The following FSTL5 variants were observed in gnomAD, a reference collection of about 807,000 sequenced individuals.
FSTL5 encodes the protein follistatin-related protein 5.
A neutral mutation model predicts 89.1 loss-of-function variants in FSTL5; 62 were observed. The ratio of observed to expected loss-of-function variants is 0.70; its 90% CI spans 0.57 to 0.86. The LOEUF (loss-of-function observed/expected upper bound fraction) is 0.86. FSTL5 is among the 40% of genes least tolerant of loss of function. The pLI, the probability that FSTL5 is intolerant of heterozygous loss-of-function variation, is 0.00. For missense variants in FSTL5, 1,057 were observed against 1,001.6 expected, an observed-to-expected ratio of 1.06 and a Z score of -0.75; for synonymous variants, 383 against 346.2, an observed-to-expected ratio of 1.11 and a Z score of -1.18.
At chr4:162,090,375 T>C (rs147356604) in intron 2 of FSTL5, among the ~76,000 whole-genome samples, 89 of 152,104 alleles carry the variant, frequency 5.9e-4, no homozygotes, top group African/African-American at 1.9e-3. Context: ...ATAGCATCTA[T>C]AAGGAACTTA....
intron 6 of FSTL5, among the ~76,000 whole-genome samples, chr4:161,666,132 A>G (rs904018755): frequency 6.6e-6 from 1 of 152,118 alleles, no homozygotes; most frequent in Non-Finnish European, 1.5e-5. Flanking sequence ...ACCAAGCGGA[A>G]GATAATTGCC....
chr4:161,906,603 G>T (rs180765788), intron 4 of FSTL5, among the ~76,000 whole-genome samples: 2 of 152,096 alleles, frequency 1.3e-5, no homozygotes, highest in African/African-American at 4.8e-5. Context: ...GGATGAAATG[G>T]TTCCTCTTTG....
chr4:161,415,994 A>G (rs1056418721), intron 15 of FSTL5, among the ~76,000 whole-genome samples: 1 of 152,090 alleles, frequency 6.6e-6, no homozygotes, highest in Non-Finnish European at 1.5e-5. Context: ...ATATTTCAGC[A>G]TAGTCAATAC....
chr4:161,714,929 C>T (rs1253416186), intron 6 of FSTL5, among the ~76,000 whole-genome samples: 1 of 151,890 alleles, frequency 6.6e-6, no homozygotes, highest in African/African-American at 2.4e-5. Flanking sequence ...ATTTTCTTTC[C>T]AAGTTTGAAG....
At chr4:161,859,634 T>C (rs1731836362) in intron 4 of FSTL5, among the ~76,000 whole-genome samples, 1 of 152,212 alleles carries the variant, frequency 6.6e-6, no homozygotes, top group Non-Finnish European at 1.5e-5. Flanking sequence ...ACGTAGAGTA[T>C]TAACTGCTGG....
chr4:161,850,481 T>C (rs1421638151), intron 4 of FSTL5, among the ~76,000 whole-genome samples: 1 of 151,612 alleles, frequency 6.6e-6, no homozygotes, highest in African/African-American at 2.4e-5. Flanking sequence ...TGTGTGCTTG[T>C]GCATGTGCAG....
intron 3 of FSTL5, among the ~76,000 whole-genome samples, chr4:161,927,052 G>C (rs961741404): frequency 2.0e-5 from 3 of 151,826 alleles, no homozygotes; most frequent in African/African-American, 4.8e-5. Context: ...TTGTTCTAAA[G>C]TGTTTTAATT....
chr4:162,038,114 T>C (rs1273475156), intron 2 of FSTL5, among the ~76,000 whole-genome samples: 1 of 151,968 alleles, frequency 6.6e-6, no homozygotes, highest in Non-Finnish European at 1.5e-5. Context: ...AGAATGTTTA[T>C]ATTTCTAGGT....
At chr4:161,741,568 G>A (rs1301218585) in intron 6 of FSTL5, among the ~76,000 whole-genome samples, 2 of 152,032 alleles carry the variant, frequency 1.3e-5, no homozygotes, top group East Asian at 1.9e-4. Flanking sequence ...GCAACTAAGA[G>A]TGAATACAGA....
intron 4 of FSTL5, among the ~76,000 whole-genome samples, chr4:161,778,778 T>C (rs1741514453): frequency 6.6e-6 from 1 of 152,254 alleles, no homozygotes; most frequent in Admixed American, 6.5e-5. Flanking sequence ...TAGCCATTGC[T>C]AGCAATTTTG....
chr4:161,414,009 T>C (rs1235187857), intron 15 of FSTL5, among the ~76,000 whole-genome samples: 1 of 152,162 alleles, frequency 6.6e-6, no homozygotes, highest in Non-Finnish European at 1.5e-5. Context: ...CAAACCTCAG[T>C]GTCACTCCAT....
chr4:161,839,531 AAAACATATGTGAATCTCAC>A (rs1293927945), intron 4 of FSTL5, among the ~76,000 whole-genome samples: 211 of 152,354 alleles, frequency 1.4e-3, no homozygotes, highest in African/African-American at 4.6e-3. Flanking sequence ...GGAAGCACTC[AAAACATATGTGAATCTCAC>A]AAACATATGT....
intron 4 of FSTL5, among the ~76,000 whole-genome samples, chr4:161,895,285 G>A (rs1733119929): frequency 6.6e-6 from 1 of 152,092 alleles, no homozygotes; most frequent in Admixed American, 6.5e-5. Flanking sequence ...AATAATGTAT[G>A]TTTACAGTTC....
intron 4 of FSTL5, among the ~76,000 whole-genome samples, chr4:161,832,160 C>A (rs1056891544): frequency 1.3e-5 from 2 of 151,922 alleles, no homozygotes; most frequent in Admixed American, 6.6e-5. Context: ...ACTTAAGGAC[C>A]CTTCAAATGA....
At chr4:161,534,260 C>T (rs1266135658) in intron 10 of FSTL5, among the ~76,000 whole-genome samples, 3 of 152,196 alleles carry the variant, frequency 2.0e-5, no homozygotes, top group South Asian at 2.1e-4. Flanking sequence ...AAATAAAAGA[C>T]ATCCAAATAG....
At chr4:161,699,759 AT>A (rs1160504670) in intron 6 of FSTL5, among the ~76,000 whole-genome samples, 2 of 151,946 alleles carry the variant, frequency 1.3e-5, no homozygotes, top group African/African-American at 4.8e-5. Context: ...GTTACCACGT[AT>A]TTTTTTTGTG....
intron 2 of FSTL5, among the ~76,000 whole-genome samples, chr4:162,052,727 C>T (rs1195645387): frequency 6.6e-6 from 1 of 151,664 alleles, no homozygotes; most frequent in Non-Finnish European, 1.5e-5. Flanking sequence ...ACGCGTGTGA[C>T]AAAAACCATG....
At chr4:162,063,150 T>C (rs1738776882) in intron 2 of FSTL5, among the ~76,000 whole-genome samples, 1 of 151,868 alleles carries the variant, frequency 6.6e-6, no homozygotes, top group African/African-American at 2.4e-5. Context: ...CTTTTAATTA[T>C]TGCATGTTTA....
At chr4:161,484,929 A>G (rs1164985071) in intron 12 of FSTL5, among the ~76,000 whole-genome samples, 2 of 152,162 alleles carry the variant, frequency 1.3e-5, no homozygotes, top group African/African-American at 2.4e-5. Context: ...AATTTGGCCC[A>G]CTGCCTAATT....
Sources: gnomAD v4.1 joint callset for allele counts (sites outside exome capture counted in the v4.1 genomes callset) on GRCh38, gnomAD v4.1.1 for gene constraint, MANE v1.5 for transcripts, NCBI Gene and HGNC (gene_info 2026-07-23, HGNC 2026-07-21) for gene names.